The following FGF14 variants were observed in gnomAD, a reference collection of about 807,000 sequenced individuals.
FGF14 encodes fibroblast growth factor homologous factor 4.
In FGF14, 5 loss-of-function variants were observed where a neutral mutation model predicts 25.5. The observed-to-expected ratio is 0.20, with a 90% CI of 0.10 to 0.41. The LOEUF (loss-of-function observed/expected upper bound fraction) is 0.41, where lower values mean the gene tolerates loss of function less well. Among genes scored for constraint, FGF14 ranks in the 10% least tolerant of loss-of-function variants. The pLI is 1.00. For missense variants in FGF14, 222 were observed against 320.1 expected, an observed-to-expected ratio of 0.69 and a Z score of 2.34; for synonymous variants, 138 against 118.3, an observed-to-expected ratio of 1.17 and a Z score of -1.08.
intron 1 of FGF14, among the ~76,000 whole-genome samples, chr13:102,124,485 C>A (rs1308392008): frequency 1.3e-5 from 2 of 151,928 alleles, no homozygotes; most frequent in Admixed American, 6.6e-5. Flanking sequence ...AGAGACAAGG[C>A]CAATTTTCTG....
intron 1 of FGF14, among the ~76,000 whole-genome samples, chr13:101,931,973 A>G (rs2034781805): frequency 6.6e-6 from 1 of 152,206 alleles, no homozygotes; most frequent in South Asian, 2.1e-4. Context: ...TGTCTTGGTT[A>G]TAAGAACTTT....
chr13:102,003,016 G>A (rs1457343297), intron 1 of FGF14: 2 of 152,056 alleles, frequency 1.3e-5, no homozygotes, highest in Non-Finnish European at 2.9e-5. Flanking sequence ...GCTTGGGAGT[G>A]GATATATGGA....
At chr13:101,935,447 G>A (rs1469061929) in intron 1 of FGF14, among the ~76,000 whole-genome samples, 2 of 152,186 alleles carry the variant, frequency 1.3e-5, no homozygotes, top group African/African-American at 2.4e-5. Context: ...AATCCCCTGT[G>A]TCATGGGAAA....
chr13:102,068,405 C>T (rs1012614133), intron 1 of FGF14, among the ~76,000 whole-genome samples: 1 of 152,238 alleles, frequency 6.6e-6, no homozygotes, highest in Non-Finnish European at 1.5e-5. Flanking sequence ...CACCGCTGCA[C>T]TGTGGGAGCC....
chr13:102,305,965 T>C (rs985626496), intron 1 of FGF14, among the ~76,000 whole-genome samples: 2 of 152,166 alleles, frequency 1.3e-5, no homozygotes, highest in Non-Finnish European at 2.9e-5. Context: ...ATTTAGGAGA[T>C]AAATGCTAAA....
chr13:101,884,702 C>T (rs2045899624), intron 1 of FGF14, among the ~76,000 whole-genome samples: 2 of 151,918 alleles, frequency 1.3e-5, no homozygotes, highest in South Asian at 4.2e-4. Flanking sequence ...GTTGGATGGT[C>T]ATTTGCTACA....
At chr13:101,993,838 T>C (rs549467956) in intron 1 of FGF14, among the ~76,000 whole-genome samples, 1 of 151,974 alleles carries the variant, frequency 6.6e-6, no homozygotes, top group South Asian at 2.1e-4. Context: ...AGTTAATGGG[T>C]GCAGCACACC....
At position 101,742,933 on chromosome 13, in the gene FGF14, A is replaced by C. The variant is rs543460170; in HGVS notation, c.409-16123T>G. On this transcript the variant is annotated intron_variant, in intron 3 of 4. Transcript: ENST00000376143. ...CATTGTTCCACTAAAGCAGATGAAG[A>C]CATAAGTGACTATTTCTGTAAATTG... is the stretch of plus-strand genomic sequence containing the variant. 1.3e-3 allele frequency among the ~76,000 whole-genome samples: 197 copies of C among 152,320 alleles called. 1 individual carries two copies. Among genetic ancestry groups the C allele is most frequent in the African/African-American group, 4.6e-3 (192 of 41,554 alleles).
intron 1 of FGF14, among the ~76,000 whole-genome samples, chr13:102,113,135 T>C (rs1453979389): frequency 6.6e-6 from 1 of 152,204 alleles, no homozygotes. Context: ...GTACTTACTT[T>C]AAGATCTAAG....
intron 3 of FGF14, among the ~76,000 whole-genome samples, chr13:101,848,120 C>A (rs542427606): frequency 7.9e-5 from 12 of 151,934 alleles, no homozygotes; most frequent in African/African-American, 2.9e-4. Context: ...CATTTTATAC[C>A]TCTTGAAAGG....
intron 1 of FGF14, among the ~76,000 whole-genome samples, chr13:102,166,693 C>G (rs2048027681): frequency 1.3e-5 from 2 of 152,130 alleles, no homozygotes; most frequent in Non-Finnish European, 1.5e-5. Context: ...TTCATTCAGA[C>G]ATGAGTTACA....
intron 1 of FGF14, among the ~76,000 whole-genome samples, chr13:101,973,658 G>T (rs1010706303): frequency 2.6e-5 from 4 of 152,146 alleles, no homozygotes; most frequent in African/African-American, 9.7e-5. Flanking sequence ...GGGAGGCTAG[G>T]CCAGTCTCTC....
chr13:102,154,795 G>A (rs1160981447), intron 1 of FGF14, among the ~76,000 whole-genome samples: 1 of 151,890 alleles, frequency 6.6e-6, no homozygotes, highest in Non-Finnish European at 1.5e-5. Flanking sequence ...ACACGCATAG[G>A]CTCAAAATAA....
chr13:102,374,644 TTATATATATA>T (rs55670716), intron 1 of FGF14, among the ~76,000 whole-genome samples: 2,360 of 49,070 alleles, frequency 0.048, 49 homozygotes, highest in African/African-American at 0.054. Context: ...CTTACATATT[TTATATATATA>T]TATATATATA....
At chr13:101,827,135 T>C (rs2042429710) in intron 3 of FGF14, among the ~76,000 whole-genome samples, 1 of 152,014 alleles carries the variant, frequency 6.6e-6, no homozygotes, top group South Asian at 2.1e-4. Context: ...TACATAGAAA[T>C]TTCATTTTTA....
intron 3 of FGF14, among the ~76,000 whole-genome samples, chr13:101,862,337 C>A (rs180799020): frequency 4.5e-4 from 68 of 152,022 alleles, no homozygotes; most frequent in Non-Finnish European, 9.0e-4. Context: ...TATCTTCTTT[C>A]CTTTATATTT....
Position 102,246,971 on chromosome 13 carries a change from C to G in FGF14, c.208+154500G>C, listed in dbSNP as rs568671951. 1.2e-4 allele frequency among the ~76,000 whole-genome samples: 19 copies of G among 152,072 alleles called. No individual in the cohort carries two copies. The South Asian group carries it at 3.7e-3, about 30-fold the overall frequency. Reference sequence around the variant, plus strand: ...ACCATCTGATCTTCAACAAAGCTGACAAAAGTAACCAATGGGGAAATGACT... The same window carrying G: ...ACCATCTGATCTTCAACAAAGCTGAGAAAAGTAACCAATGGGGAAATGACT... On this transcript the variant is annotated intron_variant, in intron 1 of 4. Coordinates refer to the FGF14 transcript ENST00000376131.
intron 1 of FGF14, among the ~76,000 whole-genome samples, chr13:102,143,876 G>A (rs938575736): frequency 6.6e-6 from 1 of 152,114 alleles, no homozygotes; most frequent in Non-Finnish European, 1.5e-5. Context: ...TTGAGCATTT[G>A]AGTTTACAGA....
chr13:102,188,123 C>A (rs768395545), intron 1 of FGF14, among the ~76,000 whole-genome samples: 2 of 152,132 alleles, frequency 1.3e-5, no homozygotes, highest in African/African-American at 2.4e-5. Context: ...TAGGCTCCAA[C>A]TTAAATATCC....
Sources: allele counts gnomAD v4.1 joint callset (sites outside exome capture counted in the v4.1 genomes callset), GRCh38; gene constraint gnomAD v4.1.1; transcripts MANE v1.5; gene names NCBI Gene and HGNC (gene_info 2026-07-23, HGNC 2026-07-21).